Variants in DNAAF1 observed in about 807,000 individuals in gnomAD.
DNAAF1 encodes dynein assembly factor 1, axonemal.
A neutral mutation model predicts 71.1 loss-of-function variants in DNAAF1; 65 were observed. The ratio of observed to expected loss-of-function variants is 0.91; its 90% CI spans 0.75 to 1.12. The LOEUF (loss-of-function observed/expected upper bound fraction) is 1.12. Among genes scored for constraint, DNAAF1 ranks in the 50% most tolerant of loss-of-function variants. The probability of loss-of-function intolerance (pLI) is 0.00; values close to 1 mark genes in which losing one functional copy is unlikely to be tolerated. For missense variants in DNAAF1, 1,178 were observed against 899.8 expected, an observed-to-expected ratio of 1.31 and a Z score of -3.96; for synonymous variants, 414 against 354.6, an observed-to-expected ratio of 1.17 and a Z score of -1.88.
chr16:84,145,531 C>A lies in DNAAF1; in HGVS notation c.91C>A (p.His31Asn). The A allele has an allele frequency of 6.4e-7, 1 of 1,553,232 alleles. No individual in the cohort carries two copies. Among genetic ancestry groups the A allele is most frequent in the East Asian group, 2.4e-5 (1 of 41,782 alleles). Residue 31 changes from histidine (H) to asparagine (N), a missense_variant, in exon 1 of 12, where the codon CAC becomes AAC. His to Asn is a moderately conservative substitution (Grantham distance 68, BLOSUM62 1). Transcript: ENST00000378553. Reference sequence around the variant, plus strand: ...CGGCGTGGAGGAGTCTGCGGGTGACCACGGGAGCGCAGGCCGAGGGGGCTG... The same window carrying A: ...CGGCGTGGAGGAGTCTGCGGGTGACAACGGGAGCGCAGGCCGAGGGGGCTG... ...EPGVEESAGD[H>N]GSAGRGGCKE...
chr16:84,149,690 C>CAAAAA (rs11335691), intron 2 of DNAAF1, among the ~76,000 whole-genome samples: 1 of 94,328 alleles, frequency 1.1e-5, no homozygotes, highest in Admixed American at 1.2e-4. Context: ...GACTCCATCT[C>CAAAAA]AAAAAAAAAA....
intron 6 of DNAAF1, among the ~76,000 whole-genome samples, chr16:84,164,574 A>G (rs148893986): frequency 6.6e-6 from 1 of 152,134 alleles, no homozygotes; most frequent in Non-Finnish European, 1.5e-5. Flanking sequence ...GGCTTCTTCC[A>G]TGACTTTGTG....
At chr16:84,155,835 T>G in intron 5 of DNAAF1, 86 bp downstream of exon 5, 1 of 1,510,434 alleles carries the variant, frequency 6.6e-7, no homozygotes, top group Admixed American at 1.9e-5. Context: ...CTTTTGTCTT[T>G]TCTCTCCTTC....
chr16:84,172,662 T>A, intron 9 of DNAAF1: 1 of 1,268,772 alleles, frequency 7.9e-7, no homozygotes, highest in Non-Finnish European at 1.0e-6. Context: ...TCTACCAAAC[T>A]CTTGATTCCT....
At position 84,172,241 on chromosome 16, in the gene DNAAF1, A is replaced by T. The variant is rs770457355; in HGVS notation, c.1529-19A>T. 2 of 1,611,814 alleles carry T rather than the reference A, an allele frequency of 1.2e-6. No homozygotes were observed. The highest frequency in any genetic ancestry group is 1.7e-6 in the Non-Finnish European group (2 of 1,178,798). On this transcript the variant is annotated intron_variant, in intron 8 of 11. Coordinates refer to ENST00000378553, the MANE Select transcript of DNAAF1 (RefSeq NM_178452.6). ...TGCCGTGTGTTAAACTAACTCCAAGACTTGTTGTTGCTCTTTAGAACCGAC... is the reference window on the plus strand; with the variant it reads ...TGCCGTGTGTTAAACTAACTCCAAGTCTTGTTGTTGCTCTTTAGAACCGAC...
chr16:84,154,945 G>T (rs2087344554), intron 4 of DNAAF1, 147 bp downstream of exon 4: 1 of 757,752 alleles, frequency 1.3e-6, no homozygotes, highest in Non-Finnish European at 2.2e-6. Context: ...GTCTTGCTCT[G>T]TCGCCCAGGC....
chr16:84,162,525 A>T (rs1203677451), intron 6 of DNAAF1, among the ~76,000 whole-genome samples: 1 of 152,250 alleles, frequency 6.6e-6, no homozygotes, highest in African/African-American at 2.4e-5. Context: ...TCATCACCCT[A>T]AAAAGGAAAT....
intron 2 of DNAAF1, 54 bp from the exon 3 acceptor site, chr16:84,150,197 G>C (rs75346263): frequency 7.3e-7 from 1 of 1,364,814 alleles, no homozygotes; most frequent in Admixed American, 1.7e-5. Flanking sequence ...GTGAGAATAT[G>C]TTTTACAGCT....
At chr16:84,146,239 T>C (rs1328896613) in intron 1 of DNAAF1, among the ~76,000 whole-genome samples, 1 of 152,322 alleles carries the variant, frequency 6.6e-6, no homozygotes, top group Non-Finnish European at 1.5e-5. Flanking sequence ...CCTTTATTGC[T>C]ATCACTATGT....
chr16:84,176,121 T>C lies in DNAAF1; in HGVS notation c.1887T>C (p.Ala629=). Residue 629 remains alanine, a synonymous_variant, in exon 11 of 12, where the codon GCT becomes GCC. Coordinates refer to ENST00000378553, the MANE Select transcript of DNAAF1 (RefSeq NM_178452.6). ...VPFTDIFKKE[A]KRDLEIRKQD... ...TCACAGACATCTTTAAAAAAGAAGC[T>C]AAGAGGGACTTGGAAATCCGAAAAC... The C allele has an allele frequency of 1.2e-6, 2 of 1,613,722 alleles. No individual in the cohort carries two copies. The highest frequency in any genetic ancestry group is 1.7e-6 in the Non-Finnish European group (2 of 1,179,908).
intron 3 of DNAAF1, 136 bp downstream of exon 3, chr16:84,150,478 T>C (rs1567535776): frequency 2.7e-6 from 2 of 748,476 alleles, no homozygotes; most frequent in Non-Finnish European, 4.7e-6. Context: ...AGTGGAGATT[T>C]ATGGAAAAGG....
chr16:84,160,537 A>G (rs1489971660), intron 6 of DNAAF1, among the ~76,000 whole-genome samples: 1 of 152,232 alleles, frequency 6.6e-6, no homozygotes, highest in Non-Finnish European at 1.5e-5. Context: ...CGAATTTTGC[A>G]TTATACAACA....
At chr16:84,147,606 G>A (rs969922526) in intron 1 of DNAAF1, among the ~76,000 whole-genome samples, 2 of 151,958 alleles carry the variant, frequency 1.3e-5, no homozygotes, top group East Asian at 3.9e-4. Flanking sequence ...CTACAGGCAT[G>A]CTCCACTACA....
chr16:84,172,843 C>G (rs950651879), intron 9 of DNAAF1: 18 of 1,041,228 alleles, frequency 1.7e-5, no homozygotes, highest in Non-Finnish European at 1.6e-5. Flanking sequence ...GGCCTTCTGG[C>G]TCATGGAGGT....
At chr16:84,175,704 T>G in intron 10 of DNAAF1, 1 of 570,284 alleles carries the variant, frequency 1.8e-6, no homozygotes, top group Non-Finnish European at 3.1e-6. Context: ...GAATAGCCAG[T>G]GGCTGGGGGA....
At chr16:84,163,355 CT>C (rs1323718376) in intron 6 of DNAAF1, among the ~76,000 whole-genome samples, 1 of 148,528 alleles carries the variant, frequency 6.7e-6, no homozygotes, top group East Asian at 2.0e-4. Flanking sequence ...GGTTGCCTGT[CT>C]TTTTTTTCCT....
intron 1 of DNAAF1, among the ~76,000 whole-genome samples, chr16:84,148,684 G>A (rs1017493820): frequency 2.1e-5 from 3 of 142,406 alleles, no homozygotes; most frequent in Non-Finnish European, 4.5e-5. Flanking sequence ...CTGCAGCCTT[G>A]ACTTCCCAAG....
At chr16:84,162,768 A>G (rs555730890) in intron 6 of DNAAF1, among the ~76,000 whole-genome samples, 17 of 152,160 alleles carry the variant, frequency 1.1e-4, no homozygotes, top group African/African-American at 4.1e-4. Flanking sequence ...GTAGTGAGCC[A>G]AGATCACGCC....
At position 84,172,344 on chromosome 16, in the gene DNAAF1, G is replaced by C; in HGVS notation, c.1613G>C (p.Arg538Thr). 6.2e-7 allele frequency: 1 copy of C among 1,614,224 alleles called. No homozygotes were observed. The change falls in exon 9 of 12, where the codon AGA becomes ACA. Residue 538 changes from arginine to threonine, a missense_variant. Physicochemically the swap from Arg to Thr is moderately conservative, Grantham distance 71 (BLOSUM62 -1). Transcript: ENST00000378553. ...GTRTEDLETI[R>T]LETKETFCID... ...AGAACGGAAGATTTAGAAACCATTAGACTGGAGACAAAGGAGACATTCTGC... is the reference window on the plus strand; with the variant it reads ...AGAACGGAAGATTTAGAAACCATTACACTGGAGACAAAGGAGACATTCTGC...
Sources: allele counts gnomAD v4.1 joint callset (sites outside exome capture counted in the v4.1 genomes callset), GRCh38; gene constraint gnomAD v4.1.1; transcripts MANE v1.5; gene names NCBI Gene and HGNC (gene_info 2026-07-23, HGNC 2026-07-21).